FAM110B: variants seen among roughly 807,000 people sequenced by gnomAD.
FAM110B encodes protein FAM110B.
A neutral mutation model predicts 20.4 loss-of-function variants in FAM110B; 6 were observed. That is an observed-to-expected ratio of 0.29 (90% confidence interval 0.16 to 0.58). The LOEUF (loss-of-function observed/expected upper bound fraction) is 0.58, where lower values mean the gene tolerates loss of function less well. Among genes scored for constraint, FAM110B ranks in the 20% least tolerant of loss-of-function variants. The pLI is 0.90. For missense variants in FAM110B, 434 were observed against 498.2 expected, an observed-to-expected ratio of 0.87 and a Z score of 1.23; for synonymous variants, 226 against 214.1, an observed-to-expected ratio of 1.06 and a Z score of -0.49.
At chr8:58,124,739 A>T (rs1807451054) in intron 3 of FAM110B, among the ~76,000 whole-genome samples, 1 of 151,980 alleles carries the variant, frequency 6.6e-6, no homozygotes, top group Non-Finnish European at 1.5e-5. Flanking sequence ...TTTTCCCATC[A>T]CTCTACACTC....
At chr8:58,066,685 T>C (rs1329952146) in intron 2 of FAM110B, among the ~76,000 whole-genome samples, 1 of 152,168 alleles carries the variant, frequency 6.6e-6, no homozygotes, top group Non-Finnish European at 1.5e-5. Context: ...TTTCTTTTCC[T>C]CGGTGTGGGG....
chr8:58,054,677 C>T (rs1261197888), intron 2 of FAM110B, among the ~76,000 whole-genome samples: 1 of 152,176 alleles, frequency 6.6e-6, no homozygotes, highest in Non-Finnish European at 1.5e-5. Flanking sequence ...CCTTGGAAAT[C>T]TACCTTTCCT....
intron 3 of FAM110B, among the ~76,000 whole-genome samples, chr8:58,127,348 C>A (rs1807533160): frequency 6.6e-6 from 1 of 152,128 alleles, no homozygotes; most frequent in African/African-American, 2.4e-5. Context: ...ATTCTTTATT[C>A]TTTTATCTCA....
chr8:58,041,832 C>T (rs1805227621), intron 2 of FAM110B, among the ~76,000 whole-genome samples: 1 of 152,262 alleles, frequency 6.6e-6, no homozygotes, highest in African/African-American at 2.4e-5. Context: ...AGCTGTAGGA[C>T]TCACTAATCA....
chr8:58,113,440 T>C (rs1807114711), intron 3 of FAM110B: 1 of 194,980 alleles, frequency 5.1e-6, no homozygotes, highest in African/African-American at 2.3e-5. Context: ...ACATTTATAG[T>C]GTCCTCACAC....
At chr8:58,015,437 A>C (rs1482730270) in intron 1 of FAM110B, among the ~76,000 whole-genome samples, 1 of 152,244 alleles carries the variant, frequency 6.6e-6, no homozygotes, top group African/African-American at 2.4e-5. Flanking sequence ...TTTTCAACAA[A>C]AATGGATACA....
At chr8:58,091,802 A>G (rs555949082) in intron 3 of FAM110B, among the ~76,000 whole-genome samples, 1 of 152,294 alleles carries the variant, frequency 6.6e-6, no homozygotes, top group African/African-American at 2.4e-5. Context: ...GTTACAAGGA[A>G]CATGTGAAAT....
At chr8:58,050,933 C>G (rs146212547) in intron 2 of FAM110B, among the ~76,000 whole-genome samples, 1 of 152,308 alleles carries the variant, frequency 6.6e-6, no homozygotes, top group African/African-American at 2.4e-5. Context: ...TTCACCCCAG[C>G]GTTTATACTG....
intron 2 of FAM110B, among the ~76,000 whole-genome samples, chr8:58,037,140 T>G (rs1805090673): frequency 6.6e-6 from 1 of 152,032 alleles, no homozygotes; most frequent in African/African-American, 2.4e-5. Context: ...AAATTTTTTT[T>G]TACATAGTCT....
At chr8:58,096,934 T>A (rs1806647549) in intron 3 of FAM110B, among the ~76,000 whole-genome samples, 1 of 152,236 alleles carries the variant, frequency 6.6e-6, no homozygotes, top group East Asian at 1.9e-4. Context: ...TGGGCTTCCC[T>A]TTGTGGGTAA....
At chr8:58,097,619 G>C (rs184263004) in intron 3 of FAM110B, among the ~76,000 whole-genome samples, 1 of 152,310 alleles carries the variant, frequency 6.6e-6, no homozygotes, top group Admixed American at 6.5e-5. Flanking sequence ...TGGAGGAGAA[G>C]AGGCGTTCTG....
chr8:58,013,622 G>C (rs906920709), intron 1 of FAM110B, among the ~76,000 whole-genome samples: 10 of 152,146 alleles, frequency 6.6e-5, no homozygotes, highest in African/African-American at 2.2e-4. Context: ...GGACACAGAG[G>C]GGGAGTCCAG....
In FAM110B at chr8:58,146,973, G is replaced by A. The variant is rs1311806370; in HGVS notation, c.743G>A (p.Cys248Tyr). ...GAGGCCGACCCTGTGGAACCAGCTT[G>A]TGGAGTCAGCCGAAGACCCTCCCTC... ...SPEADPVEPACGVSRRPSLQR... is the reference protein window; with the variant it reads ...SPEADPVEPAYGVSRRPSLQR... Residue 248 changes from cysteine (C) to tyrosine (Y), a missense_variant, in exon 4 of 4, where the codon TGT becomes TAT. Cys to Tyr is a radical substitution (Grantham distance 194, BLOSUM62 -2). Around this residue, in one of 3 missense-constraint regions of FAM110B, gnomAD observed 284 missense variants for 278.3 expected, o/e 1.02. Coordinates refer to ENST00000519262, the MANE Select transcript of FAM110B (RefSeq NM_001377989.1). 6.2e-7 allele frequency: 1 copy of A among 1,614,122 alleles called. No homozygotes were observed. The highest frequency in any genetic ancestry group is 2.2e-5 in the East Asian group (1 of 44,896).
At chr8:58,041,974 A>C (rs563351851) in intron 2 of FAM110B, among the ~76,000 whole-genome samples, 81 of 152,242 alleles carry the variant, frequency 5.3e-4, no homozygotes, top group Non-Finnish European at 1.1e-3. Flanking sequence ...TTCAGTTCTT[A>C]GTGGGATAGA....
intron 3 of FAM110B, among the ~76,000 whole-genome samples, chr8:58,116,960 C>T (rs1310294020): frequency 6.6e-6 from 1 of 152,160 alleles, no homozygotes; most frequent in East Asian, 1.9e-4. Context: ...GGGCTGCCTT[C>T]AGGAGTATAA....
chr8:58,112,968 G>A (rs1421168415), intron 3 of FAM110B, among the ~76,000 whole-genome samples: 3 of 152,092 alleles, frequency 2.0e-5, no homozygotes, highest in Admixed American at 6.5e-5. Context: ...AACAGATTTC[G>A]TGTCTAGTGA....
chr8:58,006,287 C>T (rs959573859), intron 1 of FAM110B, among the ~76,000 whole-genome samples: 11 of 152,344 alleles, frequency 7.2e-5, no homozygotes, highest in Admixed American at 3.9e-4. Context: ...TTTAGACTCA[C>T]TTGTTTAGAA....
intron 2 of FAM110B, among the ~76,000 whole-genome samples, chr8:58,036,932 G>T (rs1177864457): frequency 6.6e-6 from 1 of 152,084 alleles, no homozygotes; most frequent in Non-Finnish European, 1.5e-5. Context: ...GTGAAATTTG[G>T]TAATATAAAC....
chr8:58,099,801 T>C (rs943291161), intron 3 of FAM110B, among the ~76,000 whole-genome samples: 6 of 152,242 alleles, frequency 3.9e-5, no homozygotes, highest in Non-Finnish European at 4.4e-5. Flanking sequence ...TTTCTTAATG[T>C]GCATTTTCTA....
Sources: gnomAD v4.1 joint callset for allele counts (sites outside exome capture counted in the v4.1 genomes callset) on GRCh38, gnomAD v4.1.1 for gene constraint, gnomAD v4.1.1 regional missense constraint, MANE v1.5 for transcripts, NCBI Gene and HGNC (gene_info 2026-07-23, HGNC 2026-07-21) for gene names.